TMEM143: variants seen among roughly 807,000 people sequenced by gnomAD.
TMEM143 encodes transmembrane protein 143.
TMEM143 carries 45 observed loss-of-function variants against 40.3 expected under a neutral mutation model. That is an observed-to-expected ratio of 1.12 (90% CI 0.88 to 1.43). The LOEUF (loss-of-function observed/expected upper bound fraction) is 1.43. TMEM143 is among the 40% of genes most tolerant of loss of function. The pLI is 0.00. For synonymous variants in TMEM143, 299 were observed against 282.7 expected, an observed-to-expected ratio of 1.06 and a Z score of -0.58; for missense variants, 620 against 613.4, an observed-to-expected ratio of 1.01 and a Z score of -0.11.
At chr19:48,338,002 G>A (rs1324916072) in intron 6 of TMEM143, among the ~76,000 whole-genome samples, 1 of 149,546 alleles carries the variant, frequency 6.7e-6, no homozygotes, top group Admixed American at 6.7e-5. Flanking sequence ...CCCTGGAGAG[G>A]GGTCCCCCTG....
At chr19:48,337,706 T>A (rs936411581) in intron 6 of TMEM143, among the ~76,000 whole-genome samples, 24 of 152,002 alleles carry the variant, frequency 1.6e-4, no homozygotes, top group Admixed American at 1.5e-3. Context: ...GCCTCTCAAG[T>A]CAGCGCACCC....
At chr19:48,358,308 C>A (rs1358215097) in intron 3 of TMEM143, among the ~76,000 whole-genome samples, 2 of 151,410 alleles carry the variant, frequency 1.3e-5, no homozygotes, top group Non-Finnish European at 2.9e-5. Context: ...CACTTCAACC[C>A]GGAAGACAGA....
At chr19:48,349,180 G>A (rs896282348) in intron 3 of TMEM143, among the ~76,000 whole-genome samples, 1 of 151,524 alleles carries the variant, frequency 6.6e-6, no homozygotes, top group Non-Finnish European at 1.5e-5. Context: ...CAACAGAGAA[G>A]ACCCTGTCTT....
chr19:48,350,520 C>T (rs767800558), intron 3 of TMEM143, among the ~76,000 whole-genome samples: 7 of 152,096 alleles, frequency 4.6e-5, no homozygotes, highest in Non-Finnish European at 1.0e-4. Flanking sequence ...ATGACCGTCC[C>T]CACCACCCAC....
rs1267301858 is a variant in TMEM143, at chr19:48,347,914, G to C, written c.370-2560C>G. On this transcript the variant is annotated intron_variant, in intron 3 of 7. Coordinates refer to ENST00000293261, the MANE Select transcript of TMEM143 (RefSeq NM_018273.4). ...TGCATGCCTGTGGTCCCAGCTACTT[G>C]GGAGGTTGAGGTTGGAGGATAACTT... 2.7e-5 allele frequency among the ~76,000 whole-genome samples: 4 copies of C among 149,624 alleles called. No individual in the cohort carries two copies. The Admixed American group carries it at 2.7e-4, about 10-fold the overall frequency.
chr19:48,346,145 A>G (rs1216233790), intron 3 of TMEM143, among the ~76,000 whole-genome samples: 3 of 136,532 alleles, frequency 2.2e-5, no homozygotes, highest in African/African-American at 2.8e-5. Context: ...AGGCTGGAGT[A>G]CAGTGGTGCA....
chr19:48,345,442 T>TTTGATTTA, intron 3 of TMEM143, 88 bp from the exon 4 acceptor site: 1 of 587,144 alleles, frequency 1.7e-6, no homozygotes, highest in East Asian at 3.9e-5. Flanking sequence ...CTCCAGATAC[T>TTTGATTTA]TTCATTTATT....
At chr19:48,360,013 T>C in intron 3 of TMEM143, 59 bp downstream of exon 3, 2 of 1,547,044 alleles carry the variant, frequency 1.3e-6, no homozygotes. Flanking sequence ...CAGGGAATGT[T>C]TGCTAAATGA....
chr19:48,344,285 T>G (rs1969574265), intron 4 of TMEM143, among the ~76,000 whole-genome samples: 1 of 151,816 alleles, frequency 6.6e-6, no homozygotes, highest in African/African-American at 2.4e-5. Flanking sequence ...TGTGTGTGTT[T>G]TGTTTTGTTT....
At chr19:48,354,045 G>A (rs971461287) in intron 3 of TMEM143, among the ~76,000 whole-genome samples, 11 of 151,594 alleles carry the variant, frequency 7.3e-5, no homozygotes, top group African/African-American at 2.7e-4. Flanking sequence ...TGCAGCCTCC[G>A]CCTCCCGGGT....
rs1328900284 is a variant in TMEM143 at position 48,333,634 on chromosome 19, T to C, written c.1166-201A>G. On this transcript the variant is annotated intron_variant, in intron 7 of 7. Transcript: ENST00000293261. The surrounding 1 kb of genome is among the most constrained non-coding windows in gnomAD (Gnocchi z 4.1). Reference sequence around the variant, plus strand: ...AGAAGGCCCAGCTCTGGGGCTTTCGTCTGGGGACCAGTCAGGGGCTCTTGG... The same window carrying C: ...AGAAGGCCCAGCTCTGGGGCTTTCGCCTGGGGACCAGTCAGGGGCTCTTGG... Among the ~76,000 whole-genome samples the C allele has an allele frequency of 6.6e-6, 1 of 152,050 alleles. No individual in the cohort carries two copies. The highest frequency in any genetic ancestry group is 2.4e-5 in the African/African-American group (1 of 41,408).
In TMEM143 at chr19:48,358,493, T is replaced by G. The variant is rs374957423; in HGVS notation, c.369+1579A>C. 2.5e-4 allele frequency among the ~76,000 whole-genome samples: 38 copies of G among 151,998 alleles called. No individual in the cohort carries two copies. In the South Asian group the frequency reaches 7.5e-3, roughly 30 times the overall value. The stretch of plus-strand genomic sequence containing the variant: ...TCCTCCCTGCAGATCTTTCTCCCCA[T>G]CCCACCACGGTCTCCCCCATCCCAG... On this transcript the variant is annotated intron_variant, in intron 3 of 7. Coordinates refer to ENST00000293261, the MANE Select transcript of TMEM143 (RefSeq NM_018273.4).
chr19:48,359,951 T>G, intron 3 of TMEM143, 121 bp downstream of exon 3: 2 of 921,382 alleles, frequency 2.2e-6, no homozygotes, highest in Non-Finnish European at 3.3e-6. Flanking sequence ...CCTGTCATGT[T>G]CACTATTGAA....
chr19:48,342,270 A>C (rs7507693), intron 6 of TMEM143, among the ~76,000 whole-genome samples: 2 of 135,376 alleles, frequency 1.5e-5, no homozygotes, highest in African/African-American at 2.8e-5. Context: ...GAGAAAGGAA[A>C]GAAGGGAGGA....
intron 6 of TMEM143, among the ~76,000 whole-genome samples, chr19:48,339,241 C>A (rs1007273374): frequency 6.6e-6 from 1 of 152,114 alleles, no homozygotes; most frequent in East Asian, 1.9e-4. Flanking sequence ...GATGACAGGT[C>A]ATCCTTAGAT....
intron 6 of TMEM143, among the ~76,000 whole-genome samples, chr19:48,337,028 AAAAAAAG>A (rs1033947738): frequency 2.6e-5 from 4 of 151,450 alleles, no homozygotes; most frequent in African/African-American, 9.7e-5. Flanking sequence ...CTCACAAAAA[AAAAAAAG>A]AAAAAAGAAA....
intron 3 of TMEM143, among the ~76,000 whole-genome samples, chr19:48,354,270 T>C (rs1175249019): frequency 4.8e-5 from 7 of 146,928 alleles, no homozygotes; most frequent in East Asian, 4.0e-4. Context: ...TTTTCTTTTT[T>C]TTTTTTTTTT....
At position 48,333,393 on chromosome 19, in the gene TMEM143, G is replaced by A. The variant is rs1249367861; in HGVS notation, c.1206C>T (p.Leu402=). ...TCACCTCACAGCCTGACTTGGCTAG[G>A]AGCCAGTTCTCCACCTCCGACCGGA... The part of the protein sequence containing the change: ...RWLRSEVENW[L]LAKSGCEVTF... Residue 402 remains leucine (L), a synonymous_variant, in exon 8 of 8, where the codon CTC becomes CTT. Transcript: ENST00000293261. This position sits in a 1 kb window ranked among gnomAD's most constrained non-coding sequence, Gnocchi z 4.1. The A allele has an allele frequency of 1.2e-5, 19 of 1,607,238 alleles. No individual in the cohort carries two copies. The highest frequency in any genetic ancestry group is 1.5e-5 in the Non-Finnish European group (18 of 1,175,596).
chr19:48,342,229 A>G (rs539897418), intron 6 of TMEM143, among the ~76,000 whole-genome samples: 109 of 127,016 alleles, frequency 8.6e-4, no homozygotes, highest in African/African-American at 3.1e-3. Flanking sequence ...AAGGGAAGGG[A>G]AAGGGGAAAA....
Sources: allele counts gnomAD v4.1 joint callset (sites outside exome capture counted in the v4.1 genomes callset), GRCh38; gene constraint gnomAD v4.1.1; non-coding constraint Gnocchi (gnomAD v3.1); transcripts MANE v1.5; gene names NCBI Gene and HGNC (gene_info 2026-07-23, HGNC 2026-07-21).